OSTC: variants seen among roughly 807,000 people sequenced by gnomAD.
OSTC encodes the protein oligosaccharyltransferase complex non-catalytic subunit.
Under a neutral mutation model 16.4 loss-of-function variants are expected in OSTC, and 16 were observed. That is an observed-to-expected ratio of 0.98 (90% CI 0.66 to 1.49). The LOEUF (loss-of-function observed/expected upper bound fraction) is 1.49, where lower values mean the gene tolerates loss of function less well. Among genes scored for constraint, OSTC ranks in the 40% most tolerant of loss-of-function variants. The pLI, the probability that OSTC is intolerant of heterozygous loss-of-function variation, is 0.00. For synonymous variants in OSTC, 67 were observed against 68.5 expected, an observed-to-expected ratio of 0.98 and a Z score of 0.11; for missense variants, 139 against 186.3, an observed-to-expected ratio of 0.75 and a Z score of 1.48.
intron 3 of OSTC, among the ~76,000 whole-genome samples, chr4:108,662,768 AT>A (rs1726889788): frequency 1.3e-5 from 2 of 152,278 alleles, no homozygotes; most frequent in African/African-American, 4.8e-5. Context: ...TTGGAGCTAT[AT>A]TTTAGAGAGT....
At chr4:108,663,616 T>A (rs757051881) in intron 3 of OSTC, among the ~76,000 whole-genome samples, 2 of 152,202 alleles carry the variant, frequency 1.3e-5, no homozygotes, top group Non-Finnish European at 2.9e-5. Flanking sequence ...CTGGTTTTGT[T>A]CTTTTCTGGC....
At chr4:108,656,189 A>G (rs1726696578) in intron 2 of OSTC, among the ~76,000 whole-genome samples, 1 of 152,184 alleles carries the variant, frequency 6.6e-6, no homozygotes. Context: ...TCATCAGTGA[A>G]ACCCCGTTCC....
intron 3 of OSTC, chr4:108,663,387 A>G (rs1726912083): frequency 3.0e-6 from 1 of 338,872 alleles, no homozygotes; most frequent in Non-Finnish European, 5.8e-6. Flanking sequence ...CATTTTTTGT[A>G]TTTTTAGTAG....
Position 108,667,357 on chromosome 4 carries a change from A to G in OSTC, c.*92A>G, listed in dbSNP as rs544240889. 290 of 1,080,302 alleles carry G rather than the reference A, an allele frequency of 2.7e-4. No homozygotes were observed. The highest frequency in any genetic ancestry group is 3.7e-4 in the Non-Finnish European group (269 of 736,324). 66.9% of individuals were successfully genotyped at this position (1,080,302 alleles called of 1,614,324 possible). A position where few individuals can be genotyped will look rare whatever the true frequency, so the allele number is the denominator to read the frequency against. On this transcript the variant is annotated 3_prime_UTR_variant, in exon 4 of 4. Coordinates refer to ENST00000361564, the MANE Select transcript of OSTC (RefSeq NM_021227.4). ...CCAATCCTCTAATATGAAATGTGGA[A>G]AAGAATGAAGAGCAGCAGTAAAAGA...
chr4:108,666,774 G>A (rs1449033744), intron 3 of OSTC, among the ~76,000 whole-genome samples: 1 of 148,394 alleles, frequency 6.7e-6, no homozygotes, highest in East Asian at 2.0e-4. Flanking sequence ...GGAAGGCCAA[G>A]GCAGGCGGAT....
intron 3 of OSTC, among the ~76,000 whole-genome samples, chr4:108,664,887 C>T (rs908857944): frequency 4.6e-5 from 7 of 152,218 alleles, no homozygotes; most frequent in East Asian, 1.9e-4. Flanking sequence ...CCACTGTGCC[C>T]AGCCAAACCT....
In OSTC at chr4:108,667,349, A is replaced by C. The variant is rs1224385433; in HGVS notation, c.*84A>C. 8 of 1,141,842 alleles carry C rather than the reference A, an allele frequency of 7.0e-6. No individual in the cohort carries two copies. The African/African-American group carries it at 1.3e-4, about 18-fold the overall frequency. The allele number at this position is 1,141,842 out of a possible 1,614,324, so 70.7% of individuals were successfully genotyped here. A position where few individuals can be genotyped will look rare whatever the true frequency, so the allele number is the denominator to read the frequency against. On this transcript the variant is annotated 3_prime_UTR_variant, in exon 4 of 4. Transcript: ENST00000361564. The stretch of plus-strand genomic sequence containing the variant: ...AGGCTGTACCAATCCTCTAATATGA[A>C]ATGTGGAAAAGAATGAAGAGCAGCA...
chr4:108,653,530 A>T (rs1380532984), intron 1 of OSTC, among the ~76,000 whole-genome samples: 1 of 152,188 alleles, frequency 6.6e-6, no homozygotes, highest in Admixed American at 6.5e-5. Context: ...TTGGAAGTAG[A>T]TTCAGTAGGT....
chr4:108,658,423 A>C (rs535096358), intron 3 of OSTC, among the ~76,000 whole-genome samples: 115 of 56,208 alleles, frequency 2.0e-3, no homozygotes, highest in African/African-American at 8.8e-3. Context: ...ATATTTATAT[A>C]TTTGTGTGTG....
chr4:108,650,857 C>T, intron 1 of OSTC, 63 bp downstream of exon 1: 1 of 1,608,346 alleles, frequency 6.2e-7, no homozygotes, highest in Non-Finnish European at 8.5e-7. Context: ...CCGGGAGGCG[C>T]GTCTGTTCCG....
chr4:108,666,221 A>C (rs1210225826), intron 3 of OSTC, among the ~76,000 whole-genome samples: 1 of 152,030 alleles, frequency 6.6e-6, no homozygotes, highest in African/African-American at 2.4e-5. Flanking sequence ...TGATTCTCCC[A>C]CTTCTCTTCT....
At chr4:108,666,778 G>A (rs929474212) in intron 3 of OSTC, among the ~76,000 whole-genome samples, 5 of 151,054 alleles carry the variant, frequency 3.3e-5, no homozygotes, top group African/African-American at 1.2e-4. Context: ...GGCCAAGGCA[G>A]GCGGATCACC....
At chr4:108,664,087 T>C (rs36122596) in intron 3 of OSTC, among the ~76,000 whole-genome samples, 1 of 152,202 alleles carries the variant, frequency 6.6e-6, no homozygotes, top group African/African-American at 2.4e-5. Context: ...AATGTATTTG[T>C]TCTTCTTTTC....
At chr4:108,650,823 T>A in intron 1 of OSTC, 29 bp downstream of exon 1, 1 of 1,613,870 alleles carries the variant, frequency 6.2e-7, no homozygotes, top group Admixed American at 1.7e-5. Context: ...CCCGAGAGGC[T>A]GAGGAGCGGA....
intron 3 of OSTC, among the ~76,000 whole-genome samples, chr4:108,659,163 G>A (rs1726790791): frequency 4.1e-5 from 3 of 73,048 alleles, no homozygotes; most frequent in Non-Finnish European, 2.8e-5. Flanking sequence ...TGTATTTTTA[G>A]TAGAGACAAG....
chr4:108,663,807 C>G (rs1726925274), intron 3 of OSTC, among the ~76,000 whole-genome samples: 1 of 152,174 alleles, frequency 6.6e-6, no homozygotes, highest in South Asian at 2.1e-4. Context: ...CCTTAATATA[C>G]AGAGGCACTG....
At chr4:108,659,145 A>AT (rs1042966790) in intron 3 of OSTC, among the ~76,000 whole-genome samples, 3 of 151,610 alleles carry the variant, frequency 2.0e-5, no homozygotes, top group Non-Finnish European at 2.9e-5. Flanking sequence ...CACCCAGCTA[A>AT]TTTTTTTTGT....
intron 3 of OSTC, among the ~76,000 whole-genome samples, chr4:108,659,979 T>TA (rs1409016785): frequency 6.6e-6 from 1 of 152,224 alleles, no homozygotes; most frequent in Non-Finnish European, 1.5e-5. Flanking sequence ...AAATAGGTGT[T>TA]ATCTTTTAGC....
Position 108,650,809 on chromosome 4 carries a change from C to T in OSTC, c.139+15C>T, listed in dbSNP as rs759797426. The stretch of plus-strand genomic sequence containing the variant: ...CATCACCGGAGGTAACTCGGGCTGT[C>T]GGGCCCGAGAGGCTGAGGAGCGGAG... On this transcript the variant is annotated intron_variant, in intron 1 of 3. Coordinates refer to ENST00000361564, the MANE Select transcript of OSTC (RefSeq NM_021227.4). The T allele has an allele frequency of 1.9e-6, 3 of 1,613,872 alleles. No individual in the cohort carries two copies. Among genetic ancestry groups the T allele is most frequent in the East Asian group, 4.5e-5 (2 of 44,870 alleles).
Sources: allele counts gnomAD v4.1 joint callset (sites outside exome capture counted in the v4.1 genomes callset), GRCh38; gene constraint gnomAD v4.1.1; transcripts MANE v1.5; gene names NCBI Gene and HGNC (gene_info 2026-07-23, HGNC 2026-07-21).